Variants in CACNA1C observed in about 807,000 individuals in gnomAD.
The protein encoded by CACNA1C is calcium voltage-gated channel subunit alpha1 C.
CACNA1C carries 30 observed loss-of-function variants against 229.0 expected under a neutral mutation model. The observed-to-expected ratio is 0.13, with a 90% CI of 0.10 to 0.18. CACNA1C has a LOEUF of 0.18. CACNA1C is among the 10% of genes least tolerant of loss of function. The probability of loss-of-function intolerance (pLI) is 1.00; values close to 1 mark genes in which losing one functional copy is unlikely to be tolerated. For synonymous variants in CACNA1C, 1,114 were observed against 1,132.5 expected, an observed-to-expected ratio of 0.98 and a Z score of 0.33; for missense variants, 1,658 against 2,845.0, an observed-to-expected ratio of 0.58 and a Z score of 9.49.
chr12:2,276,791 G>A (rs778331971), intron 3 of CACNA1C, among the ~76,000 whole-genome samples: 4 of 152,190 alleles, frequency 2.6e-5, no homozygotes, highest in Non-Finnish European at 4.4e-5. Flanking sequence ...GGAAGGGCAA[G>A]TTCAGCTGGA....
At position 2,639,721 on chromosome 12, in the gene CACNA1C, T is replaced by G. The variant is rs1175395370; in HGVS notation, c.3912+5341T>G. Among the ~76,000 whole-genome samples, 1 of 152,090 alleles carries G rather than the reference T, an allele frequency of 6.6e-6. No individual in the cohort carries two copies. Among genetic ancestry groups the G allele is most frequent in the African/African-American group, 2.4e-5 (1 of 41,414 alleles). On this transcript the variant is annotated intron_variant, in intron 30 of 46. Transcript: ENST00000399655. The surrounding 1 kb of genome is among the most constrained non-coding windows in gnomAD (Gnocchi z 4.2). ...TGCCTTGCTGGGTTCTGAGGTGGTG[T>G]TTCCTGTCATCAGGCGCCCATGGTG...
chr12:2,357,198 C>G (rs1034380184), intron 3 of CACNA1C, among the ~76,000 whole-genome samples: 1 of 152,220 alleles, frequency 6.6e-6, no homozygotes, highest in Non-Finnish European at 1.5e-5. Context: ...CCCAGAACAA[C>G]CTGCTGTTCC....
chr12:2,200,415 TG>T (rs1462080525), intron 3 of CACNA1C, among the ~76,000 whole-genome samples: 1 of 152,110 alleles, frequency 6.6e-6, no homozygotes, highest in Non-Finnish European at 1.5e-5. Flanking sequence ...GTTGTCAGGG[TG>T]GGTGGTAGGT....
At chr12:2,103,108 G>T (rs918914047) in intron 1 of CACNA1C, among the ~76,000 whole-genome samples, 2 of 152,212 alleles carry the variant, frequency 1.3e-5, no homozygotes, top group Non-Finnish European at 2.9e-5. Context: ...CCAGTAATGG[G>T]ATTGCTGGGT....
At chr12:2,358,622 G>A (rs984437368) in intron 3 of CACNA1C, among the ~76,000 whole-genome samples, 34 of 152,166 alleles carry the variant, frequency 2.2e-4, no homozygotes, top group African/African-American at 5.8e-4. Flanking sequence ...AAGGAGAAGT[G>A]CTAAATGACG....
chr12:2,180,422 C>T (rs537596532), intron 3 of CACNA1C, among the ~76,000 whole-genome samples: 60 of 152,260 alleles, frequency 3.9e-4, no homozygotes, highest in African/African-American at 1.4e-3. Flanking sequence ...TTGGAGGAAG[C>T]GAAATGTCCC....
At chr12:2,411,402 C>T (rs987964275) in intron 3 of CACNA1C, among the ~76,000 whole-genome samples, 3 of 152,168 alleles carry the variant, frequency 2.0e-5, no homozygotes, top group African/African-American at 7.2e-5. Context: ...GTGGGGGGTA[C>T]ACTGGAATGT....
chr12:2,687,293 C>T (rs1201524991), intron 45 of CACNA1C, among the ~76,000 whole-genome samples: 1 of 152,236 alleles, frequency 6.6e-6, no homozygotes, highest in Non-Finnish European at 1.5e-5. Context: ...TTTCACCTAT[C>T]TGTTCTTGTC....
At chr12:2,301,644 C>T (rs1190486053) in intron 3 of CACNA1C, among the ~76,000 whole-genome samples, 4 of 152,164 alleles carry the variant, frequency 2.6e-5, no homozygotes, top group African/African-American at 4.8e-5. Context: ...ACCACAGTAC[C>T]CTTCTCACAT....
At position 2,479,252 on chromosome 12, in the gene CACNA1C, T is replaced by A. The variant is rs2099652779; in HGVS notation, c.758-6852T>A. ...TTTTTAGAGACAGGGTCTTGTTCTG[T>A]CACCCAGGCTGGAGTGCAGTAGTAT... On this transcript the variant is annotated intron_variant, in intron 5 of 46. Transcript: ENST00000399655. This position sits in a 1 kb window ranked among gnomAD's most constrained non-coding sequence, Gnocchi z 4.3. Among the ~76,000 whole-genome samples, 1 of 152,202 alleles carries A rather than the reference T, an allele frequency of 6.6e-6. No homozygotes were observed. Among genetic ancestry groups the A allele is most frequent in the African/African-American group, 2.4e-5 (1 of 41,458 alleles).
chr12:2,143,782 T>G (rs1433288456), intron 3 of CACNA1C, among the ~76,000 whole-genome samples: 1 of 151,172 alleles, frequency 6.6e-6, no homozygotes, highest in Non-Finnish European at 1.5e-5. Flanking sequence ...ACCATTCATG[T>G]GGGGCTTCCT....
chr12:2,509,773 G>C (rs2099779574), intron 8 of CACNA1C, among the ~76,000 whole-genome samples: 1 of 152,180 alleles, frequency 6.6e-6, no homozygotes, highest in South Asian at 2.1e-4. Flanking sequence ...ACACCTCACA[G>C]TATGAGAGCT....
intron 37 of CACNA1C, among the ~76,000 whole-genome samples, chr12:2,667,078 G>A (rs975574040): frequency 1.2e-4 from 19 of 152,230 alleles, no homozygotes; most frequent in African/African-American, 3.4e-4. Flanking sequence ...GGGGTTCGGC[G>A]TTCTTTTCCT....
intron 37 of CACNA1C, chr12:2,668,725 A>G (rs575801959): frequency 1.8e-6 from 1 of 563,652 alleles, no homozygotes; most frequent in Non-Finnish European, 3.2e-6. Context: ...CTCACTCACC[A>G]AGGGGATGGT....
intron 3 of CACNA1C, among the ~76,000 whole-genome samples, chr12:2,330,090 A>G (rs2096493257): frequency 6.6e-6 from 1 of 152,248 alleles, no homozygotes; most frequent in Non-Finnish European, 1.5e-5. Context: ...CTCCCCACTC[A>G]CATGGGGTGG....
rs758322328 is a variant in CACNA1C, at chr12:2,597,229, G to T, written c.2794-1G>T. On this transcript the variant is annotated splice_acceptor_variant, in intron 20 of 46. Coordinates refer to ENST00000399655, the MANE Select transcript of CACNA1C (RefSeq NM_000719.7). LOFTEE classifies it high-confidence loss of function. The surrounding 1 kb of genome is among the most constrained non-coding windows in gnomAD (Gnocchi z 4.3). ...CCACCCTGTTCCTTTTTGTTTTGCAGATTCTGTTTTATTTTGATATTGTTT... is the reference window on the plus strand; with the variant it reads ...CCACCCTGTTCCTTTTTGTTTTGCATATTCTGTTTTATTTTGATATTGTTT... 6.2e-7 allele frequency: 1 copy of T among 1,605,404 alleles called. No homozygotes were observed. The highest frequency in any genetic ancestry group is 8.5e-7 in the Non-Finnish European group (1 of 1,172,482).
chr12:2,021,403 G>A (rs2046418779), intron 1 of CACNA1C, among the ~76,000 whole-genome samples: 1 of 152,068 alleles, frequency 6.6e-6, no homozygotes, highest in Admixed American at 6.5e-5. Context: ...TTTTTGCCGG[G>A]CACTATGGCT....
intron 29 of CACNA1C, among the ~76,000 whole-genome samples, chr12:2,615,910 G>A (rs1355271136): frequency 3.9e-5 from 6 of 152,166 alleles, no homozygotes; most frequent in Non-Finnish European, 8.8e-5. Context: ...AGGAAGGCAG[G>A]GGTTCACCCC....
In CACNA1C at chr12:2,606,965, C is replaced by A. The variant is rs775045125; in HGVS notation, c.3210-19C>A. 17 of 1,612,446 alleles carry A rather than the reference C, an allele frequency of 1.1e-5. No homozygotes were observed. The highest frequency in any genetic ancestry group is 1.7e-5 in the Admixed American group (1 of 59,982). ...AAGATGGGAGATCCCAGAGTAAACTCCTTCTCCTCCTCTCTCAGGGGCAAC... is the reference window on the plus strand; with the variant it reads ...AAGATGGGAGATCCCAGAGTAAACTACTTCTCCTCCTCTCTCAGGGGCAAC... On this transcript the variant is annotated intron_variant, in intron 25 of 46. Transcript: ENST00000399655.
Sources: allele counts gnomAD v4.1 joint callset (sites outside exome capture counted in the v4.1 genomes callset), GRCh38; gene constraint gnomAD v4.1.1; non-coding constraint Gnocchi (gnomAD v3.1); transcripts MANE v1.5; gene names NCBI Gene and HGNC (gene_info 2026-07-23, HGNC 2026-07-21).